Variants in EIF2AK2 observed in about 807,000 individuals in gnomAD.
EIF2AK2 encodes the protein interferon-induced, double-stranded RNA-activated protein kinase.
Under a neutral mutation model 70.5 loss-of-function variants are expected in EIF2AK2, and 40 were observed. The observed-to-expected ratio is 0.57, with a 90% CI of 0.44 to 0.74. The LOEUF (loss-of-function observed/expected upper bound fraction) is 0.74. EIF2AK2 is among the 30% of genes least tolerant of loss of function. The probability of loss-of-function intolerance (pLI) is 0.00; values close to 1 mark genes in which losing one functional copy is unlikely to be tolerated. For missense variants in EIF2AK2, 555 were observed against 644.3 expected, an observed-to-expected ratio of 0.86 and a Z score of 1.50; for synonymous variants, 198 against 220.9, an observed-to-expected ratio of 0.90 and a Z score of 0.92.
intron 2 of EIF2AK2, among the ~76,000 whole-genome samples, chr2:37,148,350 A>G (rs1450069913): frequency 6.6e-6 from 1 of 152,160 alleles, no homozygotes; most frequent in Non-Finnish European, 1.5e-5. Context: ...AGTATATATA[A>G]TAAGTGAAGT....
chr2:37,122,992 C>G (rs1190098577), intron 11 of EIF2AK2, among the ~76,000 whole-genome samples: 7 of 151,878 alleles, frequency 4.6e-5, no homozygotes, highest in Non-Finnish European at 1.0e-4. Flanking sequence ...ATGGTGAAAC[C>G]CCATCTCTAC....
At chr2:37,112,178 G>A (rs72789101) in intron 14 of EIF2AK2, among the ~76,000 whole-genome samples, 38,598 of 151,734 alleles carry the variant, frequency 0.25, 5,836 homozygotes, top group Middle Eastern at 0.36. Flanking sequence ...CCTTGAGGAC[G>A]GCAGTGACTC....
At chr2:37,114,581 T>C (rs1385451670) in intron 14 of EIF2AK2, 150 bp downstream of exon 14, 4 of 547,710 alleles carry the variant, frequency 7.3e-6, no homozygotes, top group Non-Finnish European at 8.2e-6. Context: ...AAGAATAAAC[T>C]GATAAGAAGA....
rs976075743 is a variant in EIF2AK2 at position 37,105,524 on chromosome 2, G to A, written c.*1749C>T. ...TCCACCATGAGTGGAAGCAGCCGGG[G>A]AAGAAGCAGATGCTGGTGCCATGTT... On this transcript the variant is annotated 3_prime_UTR_variant, in exon 17 of 17. Coordinates refer to ENST00000233057, the MANE Select transcript of EIF2AK2 (RefSeq NM_001135651.3). 6.6e-6 allele frequency: 1 copy of A among 152,290 alleles called. No individual in the cohort carries two copies. Among genetic ancestry groups the A allele is most frequent in the Non-Finnish European group, 1.5e-5 (1 of 68,144 alleles). 9.4% of individuals were successfully genotyped at this position (152,290 alleles called of 1,614,324 possible).
Position 37,099,348 on chromosome 2 carries a change from CT to C in EIF2AK2, c.*7924del, listed in dbSNP as rs1673766742. On this transcript the variant is annotated 3_prime_UTR_variant, in exon 17 of 17. Transcript: ENST00000233057. ...TTCTTAACTTTTGAGTTCCTGCTTTCTTCACAGCAGTGCACTCACTACTTTC... is the reference window on the plus strand; with the variant it reads ...TTCTTAACTTTTGAGTTCCTGCTTTCTCACAGCAGTGCACTCACTACTTTC... The C allele has an allele frequency of 6.6e-6, 1 of 152,152 alleles. No homozygotes were observed. Among genetic ancestry groups the C allele is most frequent in the Admixed American group, 6.5e-5 (1 of 15,276 alleles). The allele number at this position is 152,152 out of a possible 1,614,324, so 9.4% of individuals were successfully genotyped here.
At chr2:37,116,374 C>G (rs1032702555) in intron 13 of EIF2AK2, among the ~76,000 whole-genome samples, 8 of 152,134 alleles carry the variant, frequency 5.3e-5, no homozygotes, top group African/African-American at 1.9e-4. Context: ...CCACCACACC[C>G]AGCTCTACTG....
chr2:37,118,515 G>A (rs1242715687), intron 13 of EIF2AK2, among the ~76,000 whole-genome samples: 1 of 152,070 alleles, frequency 6.6e-6, no homozygotes, highest in Non-Finnish European at 1.5e-5. Context: ...AGGACTAGGA[G>A]CTTAATGCCT....
chr2:37,129,236 C>T (rs551715332), intron 10 of EIF2AK2, among the ~76,000 whole-genome samples: 35 of 152,206 alleles, frequency 2.3e-4, no homozygotes, highest in Admixed American at 7.2e-4. Flanking sequence ...GTCAGTTATA[C>T]GAAAGCCTCC....
In EIF2AK2 at chr2:37,149,174, T is replaced by A. The variant is rs761993872; in HGVS notation, c.-183-151A>T. Reference sequence around the variant, plus strand: ...ATGCCTCGATGAAGATTGTTTAGGATGTTTCTATGCTTGTCGTGCCTGTGG... The same window carrying A: ...ATGCCTCGATGAAGATTGTTTAGGAAGTTTCTATGCTTGTCGTGCCTGTGG... On this transcript the variant is annotated intron_variant, in intron 1 of 16. Transcript: ENST00000233057. 3 of 1,039,516 alleles carry A rather than the reference T, an allele frequency of 2.9e-6. No individual in the cohort carries two copies. In the Admixed American group the frequency reaches 5.1e-5, roughly 18 times the overall value. The allele number at this position is 1,039,516 out of a possible 1,614,324, so 64.4% of individuals were successfully genotyped here.
intron 10 of EIF2AK2, 80 bp downstream of exon 10, chr2:37,135,404 T>C: frequency 2.7e-6 from 3 of 1,126,798 alleles, no homozygotes; most frequent in Non-Finnish European, 2.6e-6. Flanking sequence ...GACAGGATCA[T>C]GGCCATTTCA....
chr2:37,104,920 T>G lies in EIF2AK2; in HGVS notation c.*2353A>C, dbSNP rs1174787355. 1 of 152,260 alleles carries G rather than the reference T, an allele frequency of 6.6e-6. No individual in the cohort carries two copies. The highest frequency in any genetic ancestry group is 1.5e-5 in the Non-Finnish European group (1 of 68,058). The allele number at this position is 152,260 out of a possible 1,614,324, so 9.4% of individuals were successfully genotyped here. On this transcript the variant is annotated 3_prime_UTR_variant, in exon 17 of 17. Transcript: ENST00000233057. ...ATGCTAAATTGAATCACTTGGTTATTGTGGTGACCATTGTAAAGGTACATT... is the reference window on the plus strand; with the variant it reads ...ATGCTAAATTGAATCACTTGGTTATGGTGGTGACCATTGTAAAGGTACATT...
intron 13 of EIF2AK2, among the ~76,000 whole-genome samples, chr2:37,118,037 G>A (rs1479158890): frequency 2.0e-5 from 3 of 152,180 alleles, no homozygotes; most frequent in African/African-American, 7.2e-5. Flanking sequence ...GCCGGGTGCA[G>A]TGGAGCACAC....
At chr2:37,152,841 T>A (rs144525294) in intron 1 of EIF2AK2, among the ~76,000 whole-genome samples, 93 of 152,368 alleles carry the variant, frequency 6.1e-4, no homozygotes, top group African/African-American at 2.2e-3. Flanking sequence ...ACTGCATGTA[T>A]GATCTTCTCC....
intron 5 of EIF2AK2, among the ~76,000 whole-genome samples, chr2:37,140,170 G>C (rs969787693): frequency 6.6e-6 from 1 of 152,172 alleles, no homozygotes; most frequent in Non-Finnish European, 1.5e-5. Flanking sequence ...TTCCACAGGA[G>C]AAGCTATGAG....
chr2:37,140,962 A>G (rs1675309860), intron 5 of EIF2AK2, among the ~76,000 whole-genome samples: 1 of 152,132 alleles, frequency 6.6e-6, no homozygotes, highest in South Asian at 2.1e-4. Context: ...GTTCCAATCC[A>G]TTCTTTATCC....
rs924117616 is a variant in EIF2AK2 at position 37,103,480 on chromosome 2, G to C, written c.*3793C>G. On this transcript the variant is annotated 3_prime_UTR_variant, in exon 17 of 17. Transcript: ENST00000233057. ...CAGAGTGCTGGGATTATAGGCGTGA[G>C]CCACCATGCCCAGCCAGAGTAGGAA... is the stretch of plus-strand genomic sequence containing the variant. 5.9e-5 allele frequency: 9 copies of C among 152,208 alleles called. No homozygotes were observed. The highest frequency in any genetic ancestry group is 5.9e-4 in the Admixed American group (9 of 15,270). The allele number at this position is 152,208 out of a possible 1,614,324, so 9.4% of individuals were successfully genotyped here.
chr2:37,117,030 G>A (rs543860736), intron 13 of EIF2AK2, among the ~76,000 whole-genome samples: 1 of 151,990 alleles, frequency 6.6e-6, no homozygotes, highest in Non-Finnish European at 1.5e-5. Flanking sequence ...TTGCCAACAT[G>A]GTGAAACCCT....
In EIF2AK2 at chr2:37,145,141, G is replaced by GTT. The variant is rs57402760; in HGVS notation, c.240+1710_240+1711dup. Among the ~76,000 whole-genome samples, 3,096 of 129,012 alleles carry GTT rather than the reference G, an allele frequency of 0.024. 529 individuals are homozygous for GTT. In the East Asian group the frequency reaches 0.47, roughly 19 times the overall value. 84.6% of individuals were successfully genotyped at this position (129,012 alleles called of 152,430 possible). On this transcript the variant is annotated intron_variant, in intron 4 of 16. Transcript: ENST00000233057. ...TATGTGTTTGTTTGTGGTTTTGTGGGTTTTTTTTTTTTTTTTTTTGAGACA... is the reference window on the plus strand; with the variant it reads ...TATGTGTTTGTTTGTGGTTTTGTGGGTTTTTTTTTTTTTTTTTTTTTGAGACA...
rs559276911 is a variant in EIF2AK2 at position 37,154,912 on chromosome 2, G to A, written c.-184+1996C>T. 4.0e-5 allele frequency among the ~76,000 whole-genome samples: 6 copies of A among 149,738 alleles called. No homozygotes were observed. The East Asian group carries it at 1.2e-3, about 30-fold the overall frequency. On this transcript the variant is annotated intron_variant, in intron 1 of 16. Coordinates refer to ENST00000233057, the MANE Select transcript of EIF2AK2 (RefSeq NM_001135651.3). ...TACTCCTTTTCTGTCTCCTTTCCTG[G>A]TTCATCTTCAACTTCTTTTCTTCTA...
Sources: gnomAD v4.1 joint callset for allele counts (sites outside exome capture counted in the v4.1 genomes callset) on GRCh38, gnomAD v4.1.1 for gene constraint, MANE v1.5 for transcripts, NCBI Gene and HGNC (gene_info 2026-07-23, HGNC 2026-07-21) for gene names.